Variants in NWD2 observed in about 807,000 individuals in gnomAD.
NWD2 encodes NACHT and WD repeat domain containing 2.
NWD2 carries 37 observed loss-of-function variants against 132.7 expected under a neutral mutation model. The observed-to-expected ratio is 0.28, with a 90% CI of 0.21 to 0.37. NWD2 has a LOEUF of 0.37. Among genes scored for constraint, NWD2 ranks in the 10% least tolerant of loss-of-function variants. The pLI, the probability that NWD2 is intolerant of heterozygous loss-of-function variation, is 1.00. For missense variants in NWD2, 1,592 were observed against 2,122.4 expected, an observed-to-expected ratio of 0.75 and a Z score of 4.91; for synonymous variants, 705 against 803.0, an observed-to-expected ratio of 0.88 and a Z score of 2.06.
chr4:37,362,635 G>A (rs1305933686), intron 3 of NWD2, among the ~76,000 whole-genome samples: 1 of 151,060 alleles, frequency 6.6e-6, no homozygotes, highest in African/African-American at 2.5e-5. Context: ...AATGAAATTG[G>A]ACCCCTATCC....
chr4:37,359,981 C>A (rs1719947286), intron 3 of NWD2, among the ~76,000 whole-genome samples: 1 of 152,150 alleles, frequency 6.6e-6, no homozygotes, highest in Admixed American at 6.6e-5. Flanking sequence ...CTGAGAAGAA[C>A]AACATTTGAA....
intron 1 of NWD2, among the ~76,000 whole-genome samples, chr4:37,248,906 A>G (rs2109253949): frequency 6.6e-6 from 1 of 152,308 alleles, no homozygotes; most frequent in African/African-American, 2.4e-5. Flanking sequence ...GATTTTGAGG[A>G]AAAATACTTA....
intron 1 of NWD2, among the ~76,000 whole-genome samples, chr4:37,320,788 A>G (rs539564904): frequency 2.0e-5 from 3 of 152,326 alleles, no homozygotes; most frequent in African/African-American, 7.2e-5. Context: ...CTTGGAAACC[A>G]TGCTAACAGG....
At position 37,439,148 on chromosome 4, in the gene NWD2, G is replaced by A. The variant is rs567644799; in HGVS notation, c.1054G>A (p.Asp352Asn). ...TAAACAATTTTATGAGGACATGATT[G>A]ATATAATTCAGGCAACGATACAACA... Reference protein sequence around the residue: ...LGKQFYEDMIDIIQATIQQNF... With the variant: ...LGKQFYEDMINIIQATIQQNF... Residue 352 changes from aspartate to asparagine, a missense_variant, in exon 6 of 7, where the codon GAT becomes AAT. By Grantham distance (23) the Asp-to-Asn change is conservative (BLOSUM62 1). Around this residue, in one of 7 missense-constraint regions of NWD2, gnomAD observed 1,071 missense variants for 1,398.0 expected, o/e 0.77. Transcript: ENST00000309447. The surrounding 1 kb of genome is among the most constrained non-coding windows in gnomAD (Gnocchi z 4.5). 1 of 1,550,924 alleles carries A rather than the reference G, an allele frequency of 6.4e-7. No individual in the cohort carries two copies. Among genetic ancestry groups the A allele is most frequent in the South Asian group, 1.2e-5 (1 of 83,886 alleles).
intron 1 of NWD2, among the ~76,000 whole-genome samples, chr4:37,295,937 A>G (rs1393425707): frequency 1.3e-5 from 2 of 152,208 alleles, no homozygotes; most frequent in Non-Finnish European, 2.9e-5. Flanking sequence ...ACTAAAATTT[A>G]TTTGTAGCCA....
intron 1 of NWD2, among the ~76,000 whole-genome samples, chr4:37,248,759 A>C (rs1395277174): frequency 3.3e-5 from 5 of 152,306 alleles, no homozygotes; most frequent in South Asian, 4.2e-4. Flanking sequence ...ATTCTTTATC[A>C]GTTTATAGGA....
chr4:37,244,980 C>T lies in NWD2; in HGVS notation c.-88C>T, dbSNP rs1301138743. 2.0e-6 allele frequency: 3 copies of T among 1,508,612 alleles called. No individual in the cohort carries two copies. Among genetic ancestry groups the T allele is most frequent in the Non-Finnish European group, 8.9e-7 (1 of 1,127,226 alleles). The allele number at this position is 1,508,612 out of a possible 1,614,324, so 93.5% of individuals were successfully genotyped here. A position where few individuals can be genotyped will look rare whatever the true frequency, so the allele number is the denominator to read the frequency against. On this transcript the variant is annotated 5_prime_UTR_variant, in exon 1 of 7. Transcript: ENST00000309447. The surrounding 1 kb of genome is among the most constrained non-coding windows in gnomAD (Gnocchi z 5.5). The stretch of plus-strand genomic sequence containing the variant: ...CCGCGCCGCCTGCTGAGATCGACCG[C>T]CTGCTGAGCCGTTCCGTGGAGCTGC...
intron 1 of NWD2, among the ~76,000 whole-genome samples, chr4:37,290,614 A>G (rs1490431035): frequency 6.6e-6 from 1 of 152,244 alleles, no homozygotes; most frequent in Non-Finnish European, 1.5e-5. Context: ...AGGCACATAC[A>G]GTAGTTAGAC....
chr4:37,420,426 C>T (rs1711772407), intron 3 of NWD2, among the ~76,000 whole-genome samples: 1 of 152,238 alleles, frequency 6.6e-6, no homozygotes, highest in Non-Finnish European at 1.5e-5. Flanking sequence ...TGGCTCACAC[C>T]TATAATCTCA....
intron 6 of NWD2, among the ~76,000 whole-genome samples, chr4:37,441,572 C>A (rs1322339065): frequency 6.6e-6 from 1 of 152,146 alleles, no homozygotes. Flanking sequence ...ATAAGCAGTC[C>A]CAGTGAGGCA....
chr4:37,290,108 AG>A (rs1260674457), intron 1 of NWD2, among the ~76,000 whole-genome samples: 2 of 152,288 alleles, frequency 1.3e-5, no homozygotes, highest in Non-Finnish European at 2.9e-5. Context: ...GAGGGCCTCA[AG>A]GGTCTTTGCA....
chr4:37,262,271 T>A (rs1717655085), intron 1 of NWD2, among the ~76,000 whole-genome samples: 1 of 152,224 alleles, frequency 6.6e-6, no homozygotes, highest in Non-Finnish European at 1.5e-5. Flanking sequence ...TTAAGGAGCA[T>A]ATTCACTCAT....
intron 2 of NWD2, among the ~76,000 whole-genome samples, chr4:37,349,004 A>G (rs937902625): frequency 6.6e-6 from 1 of 151,838 alleles, no homozygotes; most frequent in Non-Finnish European, 1.5e-5. Flanking sequence ...CCTGCAGAGG[A>G]CATGAACTCA....
intron 3 of NWD2, among the ~76,000 whole-genome samples, chr4:37,380,847 A>T (rs1015099749): frequency 2.6e-5 from 4 of 152,190 alleles, no homozygotes; most frequent in Admixed American, 6.5e-5. Context: ...ATTCTGACAA[A>T]CTATTTAAGA....
rs1254772317 is a variant in NWD2 at position 37,445,218 on chromosome 4, C to G, written c.3230C>G (p.Ala1077Gly). 3 of 1,551,900 alleles carry G rather than the reference C, an allele frequency of 1.9e-6. No individual in the cohort carries two copies. Among genetic ancestry groups the G allele is most frequent in the Non-Finnish European group, 2.6e-6 (3 of 1,147,042 alleles). The change falls in exon 7 of 7, where the codon GCC becomes GGC. Residue 1077 changes from alanine (A) to glycine (G), a missense_variant. Ala to Gly is a moderately conservative substitution (Grantham distance 60). Coordinates refer to ENST00000309447, the MANE Select transcript of NWD2 (RefSeq NM_001144990.2). This position sits in a 1 kb window ranked among gnomAD's most constrained non-coding sequence, Gnocchi z 4.7. ...AACCACGCCCTTGCATGGCTCGAAGCCAGCAAAGATGTCACTGTCATCGAT... is the reference window on the plus strand; with the variant it reads ...AACCACGCCCTTGCATGGCTCGAAGGCAGCAAAGATGTCACTGTCATCGAT... Reference protein sequence around the residue: ...SANHALAWLEASKDVTVIDLL... With the variant: ...SANHALAWLEGSKDVTVIDLL...
rs190292115 is a variant in NWD2, at chr4:37,413,734, A to G, written c.358-16838A>G. Among the ~76,000 whole-genome samples, 791 of 152,322 alleles carry G rather than the reference A, an allele frequency of 5.2e-3. 6 individuals carry two copies. The highest frequency in any genetic ancestry group is 0.018 in the African/African-American group (754 of 41,582). On this transcript the variant is annotated intron_variant, in intron 3 of 6. Transcript: ENST00000309447. ...TTGGAATCAACCCAAATGTTCATCA[A>G]TGATAGACTGGATAAAGAAAATGTG...
chr4:37,259,302 A>T (rs75960391), intron 1 of NWD2, among the ~76,000 whole-genome samples: 1 of 152,206 alleles, frequency 6.6e-6, no homozygotes, highest in South Asian at 2.1e-4. Flanking sequence ...CCCTATATAA[A>T]AGCAAAGCAT....
intron 5 of NWD2, among the ~76,000 whole-genome samples, chr4:37,438,154 G>T (rs1712373706): frequency 6.6e-6 from 1 of 151,978 alleles, no homozygotes; most frequent in African/African-American, 2.4e-5. Context: ...CCAGCTACTT[G>T]GGAGGCTGAG....
rs187263282 is a variant in NWD2, at chr4:37,270,519, C to A, written c.151+25301C>A. On this transcript the variant is annotated intron_variant, in intron 1 of 6. Transcript: ENST00000309447. ...AAGCAGCTAGGGTGCATGGCTCCCACGGAGAGGAATGAGAGGAGCAAGTAA... is the reference window on the plus strand; with the variant it reads ...AAGCAGCTAGGGTGCATGGCTCCCAAGGAGAGGAATGAGAGGAGCAAGTAA... 2.0e-5 allele frequency among the ~76,000 whole-genome samples: 3 copies of A among 151,742 alleles called. No individual in the cohort carries two copies. In the South Asian group the frequency reaches 6.3e-4, roughly 32 times the overall value.
Sources: gnomAD v4.1 joint callset for allele counts (sites outside exome capture counted in the v4.1 genomes callset) on GRCh38, gnomAD v4.1.1 for gene constraint, gnomAD v4.1.1 regional missense constraint, Gnocchi (gnomAD v3.1) non-coding constraint, MANE v1.5 for transcripts, NCBI Gene and HGNC (gene_info 2026-07-23, HGNC 2026-07-21) for gene names.